The following DLG2 variants were observed in gnomAD, a reference collection of about 807,000 sequenced individuals.
DLG2 encodes the protein discs large MAGUK scaffold protein 2.
DLG2 carries 45 observed loss-of-function variants against 132.5 expected under a neutral mutation model. The observed-to-expected ratio is 0.34, with a 90% CI of 0.27 to 0.44. The LOEUF is 0.44. Among genes scored for constraint, DLG2 ranks in the 20% least tolerant of loss-of-function variants. The pLI is 1.00. For missense variants in DLG2, 1,045 were observed against 1,196.9 expected, an observed-to-expected ratio of 0.87 and a Z score of 1.87; for synonymous variants, 424 against 419.6, an observed-to-expected ratio of 1.01 and a Z score of -0.13.
intron 3 of DLG2, among the ~76,000 whole-genome samples, chr11:85,407,628 C>A (rs902526624): frequency 6.6e-6 from 1 of 151,742 alleles, no homozygotes; most frequent in African/African-American, 2.4e-5. Context: ...CGAAGCAGCA[C>A]AAGCAGGGAA....
At chr11:84,782,472 A>G (rs1200442023) in intron 6 of DLG2, among the ~76,000 whole-genome samples, 2 of 151,726 alleles carry the variant, frequency 1.3e-5, no homozygotes, top group African/African-American at 4.8e-5. Flanking sequence ...ACACATTAAA[A>G]TGAGTAATTC....
rs575229887 is a variant in DLG2, at chr11:84,030,111, T to G, written c.919+29204A>C. ...GTCTCCCCCAAATAAATGAGTGTTT[T>G]GAGGACAGAGATGGTGTATTTTTCA... On this transcript the variant is annotated intron_variant, in intron 11 of 27. Coordinates refer to ENST00000376104, the MANE Select transcript of DLG2 (RefSeq NM_001142699.3). Among the ~76,000 whole-genome samples, 37 of 152,250 alleles carry G rather than the reference T, an allele frequency of 2.4e-4. 3 individuals are homozygous for G. Among genetic ancestry groups the G allele is most frequent in the African/African-American group, 7.7e-4 (32 of 41,556 alleles).
chr11:83,825,086 CA>C (rs1188139455), intron 17 of DLG2, among the ~76,000 whole-genome samples: 8 of 144,186 alleles, frequency 5.5e-5, no homozygotes, highest in Non-Finnish European at 1.2e-4. Flanking sequence ...TATATACACA[CA>C]TATATATACA....
rs1328434450 is a variant in DLG2, at chr11:85,002,723, G to A, written c.357+108938C>T. Among the ~76,000 whole-genome samples, 4 of 151,920 alleles carry A rather than the reference G, an allele frequency of 2.6e-5. No homozygotes were observed. In the South Asian group the frequency reaches 6.2e-4, roughly 24 times the overall value. On this transcript the variant is annotated intron_variant, in intron 6 of 27. Coordinates refer to ENST00000376104, the MANE Select transcript of DLG2 (RefSeq NM_001142699.3). ...ACCTGCAGAGGTCCACTTACATGGG[G>A]ATTTTGTTTTAATAAAAGTTACACT... is the stretch of plus-strand genomic sequence containing the variant.
chr11:84,612,858 T>C (rs1002580555), intron 6 of DLG2, among the ~76,000 whole-genome samples: 4 of 152,166 alleles, frequency 2.6e-5, no homozygotes, highest in Non-Finnish European at 5.9e-5. Context: ...ATTTGTCCAA[T>C]ACACCAGAGC....
chr11:83,786,936 C>A (rs1186481971), intron 17 of DLG2, 144 bp from the exon 18 acceptor site: 1 of 622,124 alleles, frequency 1.6e-6, no homozygotes, highest in Admixed American at 2.9e-5. Context: ...TGTTTGTGGA[C>A]TTTCATGATC....
intron 22 of DLG2, among the ~76,000 whole-genome samples, chr11:83,481,462 TTTAGAAAGAGAAAA>T (rs1397969086): frequency 6.6e-6 from 1 of 152,120 alleles, no homozygotes; most frequent in Non-Finnish European, 1.5e-5. Context: ...GTTATACATT[TTTAGAAAGAGAAAA>T]ATAATATATA....
chr11:85,300,984 T>TA (rs1393928034), intron 3 of DLG2, among the ~76,000 whole-genome samples: 1 of 152,030 alleles, frequency 6.6e-6, no homozygotes, highest in African/African-American at 2.4e-5. Flanking sequence ...GAGGATCACT[T>TA]AAGGTCAAGA....
At chr11:83,922,196 A>C (rs1254946749) in intron 15 of DLG2, among the ~76,000 whole-genome samples, 1 of 152,186 alleles carries the variant, frequency 6.6e-6, no homozygotes, top group Non-Finnish European at 1.5e-5. Context: ...TGTAAATTTA[A>C]GAAATTATCT....
rs763739046 is a variant in DLG2 at position 83,732,212 on chromosome 11, GAA to G, written c.1825+54476_1825+54477del. 9.8e-4 allele frequency among the ~76,000 whole-genome samples: 149 copies of G among 152,142 alleles called. 1 individual carries two copies. The highest frequency in any genetic ancestry group is 1.8e-3 in the Non-Finnish European group (124 of 68,000). On this transcript the variant is annotated intron_variant, in intron 18 of 27. Transcript: ENST00000376104. ...AGCACGTATAGGAAGCTGTTTTAGG[GAA>G]AAAACTCGGTTGTGGGCTGGAGAAA...
chr11:83,741,876 G>C (rs148045400), intron 18 of DLG2, among the ~76,000 whole-genome samples: 1 of 151,744 alleles, frequency 6.6e-6, no homozygotes, highest in Non-Finnish European at 1.5e-5. Context: ...TTAGCAAGGC[G>C]TGGTGGTGGG....
At chr11:83,659,330 A>G (rs1437764236) in intron 18 of DLG2, among the ~76,000 whole-genome samples, 3 of 152,192 alleles carry the variant, frequency 2.0e-5, no homozygotes, top group African/African-American at 7.2e-5. Flanking sequence ...GGAGAGAGAG[A>G]CAGCATTCTT....
chr11:85,106,846 C>A (rs1346916267), intron 6 of DLG2, among the ~76,000 whole-genome samples: 1 of 151,934 alleles, frequency 6.6e-6, no homozygotes, highest in Admixed American at 6.6e-5. Flanking sequence ...TAACTATGAC[C>A]AAATATTGCA....
At chr11:84,650,855 G>GTT (rs2099680728) in intron 6 of DLG2, among the ~76,000 whole-genome samples, 2 of 82,356 alleles carry the variant, frequency 2.4e-5, no homozygotes, top group African/African-American at 1.2e-4. Context: ...CTGTATGTGT[G>GTT]TGTGTGTGTG....
At chr11:83,777,545 CA>C (rs2153843739) in intron 18 of DLG2, among the ~76,000 whole-genome samples, 1 of 152,220 alleles carries the variant, frequency 6.6e-6, no homozygotes, top group South Asian at 2.1e-4. Context: ...TTAGCAATTA[CA>C]ATTTAATTTA....
intron 7 of DLG2, among the ~76,000 whole-genome samples, chr11:84,488,755 A>C (rs555635098): frequency 6.6e-6 from 1 of 152,284 alleles, no homozygotes; most frequent in Non-Finnish European, 1.5e-5. Context: ...AGGTGAAGAA[A>C]GATGACTGCA....
chr11:84,796,416 T>G lies in DLG2; in HGVS notation c.358-261685A>C, dbSNP rs1416366974. 3.3e-5 allele frequency among the ~76,000 whole-genome samples: 5 copies of G among 152,352 alleles called. No homozygotes were observed. In the East Asian group the frequency reaches 9.6e-4, roughly 29 times the overall value. ...TTGTTTCATCTTTCTACTTAAGATA[T>G]TAGTAGTTTGCATGCCACAGTTGCA... On this transcript the variant is annotated intron_variant, in intron 6 of 27. Transcript: ENST00000376104.
At chr11:83,478,155 T>A (rs779808500) in intron 22 of DLG2, among the ~76,000 whole-genome samples, 1 of 152,112 alleles carries the variant, frequency 6.6e-6, no homozygotes, top group Non-Finnish European at 1.5e-5. Context: ...GAAGAGGACC[T>A]CATGTATAGT....
At position 85,463,989 on chromosome 11, in the gene DLG2, T is replaced by TACACACACAC. The variant is rs374003945; in HGVS notation, c.40+134658_40+134667dup. The stretch of plus-strand genomic sequence containing the variant: ...ATTATGCACCATATAGACATACATG[T>TACACACACAC]ACACACACACACACATACACACACA... On this transcript the variant is annotated intron_variant, in intron 3 of 27. Transcript: ENST00000376104. 7.8e-3 allele frequency among the ~76,000 whole-genome samples: 1,088 copies of TACACACACAC among 139,398 alleles called. 20 individuals are homozygous for TACACACACAC. The highest frequency in any genetic ancestry group is 0.026 in the African/African-American group (968 of 36,906). 91.5% of individuals were successfully genotyped at this position (139,398 alleles called of 152,430 possible).
Sources: gnomAD v4.1 joint callset for allele counts (sites outside exome capture counted in the v4.1 genomes callset) on GRCh38, gnomAD v4.1.1 for gene constraint, MANE v1.5 for transcripts, NCBI Gene and HGNC (gene_info 2026-07-23, HGNC 2026-07-21) for gene names.